The following KCP variants were observed in gnomAD, a reference collection of about 807,000 sequenced individuals.
The protein encoded by KCP is kielin/chordin-like protein.
A neutral mutation model predicts 212.7 loss-of-function variants in KCP; 194 were observed. That is an observed-to-expected ratio of 0.91 (90% CI 0.81 to 1.03). The LOEUF (loss-of-function observed/expected upper bound fraction) is 1.03. KCP is among the 50% of genes least tolerant of loss of function. KCP has a pLI of 0.00. For synonymous variants in KCP, 833 were observed against 865.3 expected, an observed-to-expected ratio of 0.96 and a Z score of 0.65; for missense variants, 2,080 against 2,162.5, an observed-to-expected ratio of 0.96 and a Z score of 0.76.
rs954451988 is a variant in KCP, at chr7:128,908,442, A to T, written c.203T>A (p.Met68Lys). The change falls in exon 2 of 40, where the codon ATG becomes AAG. Residue 68 changes from methionine (M) to lysine (K), a missense_variant. Met to Lys is a moderately conservative substitution (Grantham distance 95). Transcript: ENST00000610776. ...CCATGGTACCTGTTCTCTGAGCTCCATCACTGCAGCCTCCAGTCGCCCCAG... is the reference window on the plus strand; with the variant it reads ...CCATGGTACCTGTTCTCTGAGCTCCTTCACTGCAGCCTCCAGTCGCCCCAG... Reference protein sequence around the residue: ...EWLGRLEAAVMELREQNKDLQ... With the variant: ...EWLGRLEAAVKELREQNKDLQ... The T allele has an allele frequency of 2.6e-6, 4 of 1,551,512 alleles. No homozygotes were observed. Among genetic ancestry groups the T allele is most frequent in the Non-Finnish European group, 3.5e-6 (4 of 1,146,912 alleles).
chr7:128,885,417 C>T lies in KCP; in HGVS notation c.2867-147G>A, dbSNP rs1345875929. 21 of 792,814 alleles carry T rather than the reference C, an allele frequency of 2.6e-5. No homozygotes were observed. The Admixed American group carries it at 3.7e-4, about 14-fold the overall frequency. The allele number at this position is 792,814 out of a possible 1,614,324, so 49.1% of individuals were successfully genotyped here. On this transcript the variant is annotated intron_variant, in intron 26 of 39. Coordinates refer to ENST00000610776, the MANE Select transcript of KCP (RefSeq NM_001366122.1). ...GGGAAGGTGCGATGGGGCAGAACTC[C>T]TGTCTGTTGTGGAGGGGAAAGGCAC...
chr7:128,899,404 G>A (rs902436425), intron 8 of KCP, among the ~76,000 whole-genome samples: 1 of 152,100 alleles, frequency 6.6e-6, no homozygotes, highest in Non-Finnish European at 1.5e-5. Flanking sequence ...TTAAATGCAG[G>A]TTTTCTGATA....
Position 128,885,247 on chromosome 7 carries a change from G to C in KCP, c.2890C>G (p.His964Asp). Residue 964 changes from histidine (H) to aspartate (D), a missense_variant, in exon 27 of 40, where the codon CAC becomes GAC. By Grantham distance (81) the His-to-Asp change is moderately conservative (BLOSUM62 -1). Transcript: ENST00000610776. ...CRGCLAHGEE[H>D]PEGSRWVPPD... Reference sequence around the variant, plus strand: ...GGCACCCATCTACTGCCTTCGGGGTGCTCTTCCCCATGAGCCAGGCAGCCT... The same window carrying C: ...GGCACCCATCTACTGCCTTCGGGGTCCTCTTCCCCATGAGCCAGGCAGCCT... 1.3e-6 allele frequency: 2 copies of C among 1,547,340 alleles called. No homozygotes were observed.
In KCP at chr7:128,881,610, A is replaced by G. The variant is rs994835089; in HGVS notation, c.3424+16T>C. The G allele has an allele frequency of 1.4e-6, 2 of 1,476,748 alleles. No homozygotes were observed. The highest frequency in any genetic ancestry group is 3.0e-5 in the Admixed American group (1 of 33,390). The allele number at this position is 1,476,748 out of a possible 1,614,324, so 91.5% of individuals were successfully genotyped here. A position where few individuals can be genotyped will look rare whatever the true frequency, so the allele number is the denominator to read the frequency against. On this transcript the variant is annotated intron_variant, in intron 31 of 39. Transcript: ENST00000610776. ...GGGCTCCTCTCTGAGGGTGGAGGCC[A>G]AGGCTGGGCACTTACCCCGGCATAC...
chr7:128,903,689 A>C, intron 7 of KCP, 38 bp downstream of exon 7: 3 of 1,477,684 alleles, frequency 2.0e-6, no homozygotes. Flanking sequence ...ACGACAACCT[A>C]CCTGTGGCTC....
intron 26 of KCP, among the ~76,000 whole-genome samples, chr7:128,886,142 A>C (rs1462383848): frequency 6.6e-6 from 1 of 152,166 alleles, no homozygotes; most frequent in Non-Finnish European, 1.5e-5. Flanking sequence ...AATGCAGCTC[A>C]CTGCAGCCTC....
rs959219223 is a variant in KCP at position 128,885,088 on chromosome 7, T to A, written c.3040+9A>T. The stretch of plus-strand genomic sequence containing the variant: ...TCGCCTTTCCCCTCCCGCCCCAGGC[T>A]TCCAGTACCAGAGCATTGAGGACAG... On this transcript the variant is annotated intron_variant, in intron 27 of 39. Coordinates refer to ENST00000610776, the MANE Select transcript of KCP (RefSeq NM_001366122.1). The A allele has an allele frequency of 1.9e-6, 3 of 1,550,562 alleles. No individual in the cohort carries two copies. Among genetic ancestry groups the A allele is most frequent in the Non-Finnish European group, 2.6e-6 (3 of 1,146,994 alleles).
intron 8 of KCP, among the ~76,000 whole-genome samples, chr7:128,899,635 C>T (rs946509070): frequency 3.9e-5 from 6 of 152,206 alleles, no homozygotes; most frequent in Non-Finnish European, 8.8e-5. Flanking sequence ...GTAAAGTATA[C>T]TCCTGTGAAC....
rs35522047 is a variant in KCP, at chr7:128,896,889, C to CAAAA, written c.832-2600_832-2597dup. Among the ~76,000 whole-genome samples the CAAAA allele has an allele frequency of 4.0e-4, 23 of 58,088 alleles. No individual in the cohort carries two copies. In the South Asian group the frequency reaches 7.3e-3, roughly 19 times the overall value. The allele number at this position is 58,088 out of a possible 152,430, so 38.1% of individuals were successfully genotyped here. On this transcript the variant is annotated intron_variant, in intron 8 of 39. Transcript: ENST00000610776. ...CTGGCGACAGAGCAAGACTCCATCT[C>CAAAA]AAAAAAAAAAAAAAAAAAAAAAAAA...
chr7:128,880,197 C>A, intron 34 of KCP, 112 bp from the exon 35 acceptor site: 1 of 1,337,484 alleles, frequency 7.5e-7, no homozygotes, highest in Non-Finnish European at 1.0e-6. Context: ...CTCCAGGACT[C>A]TGGCTCCCAG....
At chr7:128,910,498 C>A (rs980348235) in intron 1 of KCP, 103 bp downstream of exon 1, 12 of 1,123,892 alleles carry the variant, frequency 1.1e-5, no homozygotes, top group Non-Finnish European at 1.2e-5. Flanking sequence ...TCAGGCAGGG[C>A]TAAGAGCAGA....
chr7:128,907,321 C>T lies in KCP; in HGVS notation c.352G>A (p.Val118Ile), dbSNP rs758207455. 1.6e-4 allele frequency: 247 copies of T among 1,541,658 alleles called. 1 individual carries two copies. Among genetic ancestry groups the T allele is most frequent in the Middle Eastern group, 3.4e-4 (2 of 5,962 alleles). ...RWEPDACTACVCQDGAAHCGP... is the reference protein window; with the variant it reads ...RWEPDACTACICQDGAAHCGP... ...CAGTGAGCGGCCCCATCCTGGCAGA[C>T]GCAGGCTGTGCAGGCGTCAGGCTCC... Residue 118 changes from valine to isoleucine, a missense_variant, in exon 3 of 40, where the codon GTC (valine) becomes ATC (isoleucine). Coordinates refer to ENST00000610776, the MANE Select transcript of KCP (RefSeq NM_001366122.1).
intron 17 of KCP, 21 bp downstream of exon 17, chr7:128,891,625 G>A: frequency 1.3e-6 from 2 of 1,483,886 alleles, no homozygotes; most frequent in Non-Finnish European, 1.8e-6. Flanking sequence ...CCAGAAGGCC[G>A]CCCTGACCCG....
Position 128,888,963 on chromosome 7 carries a change from G to A in KCP, c.2412C>T (p.Thr804=). The part of the protein sequence containing the change: ...PDPREPCNLC[T]CLGGFVTCGR... ...CGCAGGTCACGAAGCCTCCAAGACA[G>A]GTACACAGGTTGCAGGGTTCTCGGG... The change falls in exon 22 of 40, where the codon ACC becomes ACT. Residue 804 remains threonine (T), a synonymous_variant. Transcript: ENST00000610776. 1 of 1,550,128 alleles carries A rather than the reference G, an allele frequency of 6.5e-7. No individual in the cohort carries two copies. The highest frequency in any genetic ancestry group is 8.7e-7 in the Non-Finnish European group (1 of 1,146,242).
chr7:128,890,654 G>A, intron 20 of KCP, 141 bp from the exon 21 acceptor site: 2 of 709,970 alleles, frequency 2.8e-6, no homozygotes, highest in Non-Finnish European at 2.3e-6. Context: ...GGGTCCGTGA[G>A]GGCGGGGAGG....
chr7:128,886,534 C>T lies in KCP; in HGVS notation c.2796G>A (p.Arg932=), dbSNP rs1793655327. Residue 932 remains arginine, a synonymous_variant, in exon 26 of 40, where the codon CGG becomes CGA. Transcript: ENST00000610776. The part of the protein sequence containing the change: ...RCQAGQVSCV[R]LQCPPLPCKL... Reference sequence around the variant, plus strand: ...TGCAGGGAAGGGGTGGGCACTGCAGCCGCACACAGCTGACCTGGCCAGCCT... The same window carrying T: ...TGCAGGGAAGGGGTGGGCACTGCAGTCGCACACAGCTGACCTGGCCAGCCT... 24 of 1,551,034 alleles carry T rather than the reference C, an allele frequency of 1.5e-5. No individual in the cohort carries two copies. The highest frequency in any genetic ancestry group is 1.9e-5 in the Non-Finnish European group (22 of 1,146,722).
chr7:128,907,293 C>A lies in KCP; in HGVS notation c.380G>T (p.Gly127Val), dbSNP rs889804998. 27 of 1,537,034 alleles carry A rather than the reference C, an allele frequency of 1.8e-5. No homozygotes were observed. Among genetic ancestry groups the A allele is most frequent in the Non-Finnish European group, 2.2e-5 (25 of 1,135,750 alleles). ...CVCQDGAAHCGPQAHLPHCRG... is the reference protein window; with the variant it reads ...CVCQDGAAHCVPQAHLPHCRG... ...GCAATGGGGCAGGTGTGCTTGGGGG[C>A]CACAGTGAGCGGCCCCATCCTGGCA... The change falls in exon 3 of 40, where the codon GGC becomes GTC. Residue 127 changes from glycine to valine, a missense_variant. By Grantham distance (109) the Gly-to-Val change is moderately radical. Transcript: ENST00000610776.
intron 39 of KCP, 80 bp downstream of exon 39, chr7:128,877,404 G>A (rs1256718000): frequency 6.5e-7 from 1 of 1,531,370 alleles, no homozygotes; most frequent in Non-Finnish European, 8.8e-7. Flanking sequence ...ACCCGGCCTG[G>A]TCCTGCCCTG....
intron 5 of KCP, among the ~76,000 whole-genome samples, chr7:128,904,619 G>A (rs1795032388): frequency 1.3e-5 from 2 of 152,236 alleles, no homozygotes; most frequent in Non-Finnish European, 1.5e-5. Context: ...CAGCAGGGAT[G>A]TGGGTGGTGG....
Sources: allele counts gnomAD v4.1 joint callset (sites outside exome capture counted in the v4.1 genomes callset), GRCh38; gene constraint gnomAD v4.1.1; transcripts MANE v1.5; gene names NCBI Gene and HGNC (gene_info 2026-07-23, HGNC 2026-07-21).